SYTL2: variants seen among roughly 807,000 people sequenced by gnomAD.
SYTL2 encodes synaptotagmin like 2.
Under a neutral mutation model 198.7 loss-of-function variants are expected in SYTL2, and 165 were observed. The observed-to-expected ratio is 0.83, with a 90% CI of 0.73 to 0.94. SYTL2 has a LOEUF of 0.94. Among genes scored for constraint, SYTL2 ranks in the 40% least tolerant of loss-of-function variants. The pLI, the probability that SYTL2 is intolerant of heterozygous loss-of-function variation, is 0.00. For synonymous variants in SYTL2, 966 were observed against 917.7 expected (o/e 1.05, Z -0.95); for missense variants, 2,835 against 2,582.8 (o/e 1.10, Z -2.12).
chr11:85,721,696 G>A (rs372059433), intron 8 of SYTL2, among the ~76,000 whole-genome samples: 2 of 152,186 alleles, frequency 1.3e-5, no homozygotes, highest in Admixed American at 6.5e-5. Context: ...TGAGTGATTC[G>A]ATTAAGGAAT....
chr11:85,750,258 C>T lies in SYTL2; in HGVS notation c.102-1835G>A, dbSNP rs117489348. Among the ~76,000 whole-genome samples, 5 of 152,282 alleles carry T rather than the reference C, an allele frequency of 3.3e-5. No homozygotes were observed. In the East Asian group the frequency reaches 5.8e-4, roughly 18 times the overall value. On this transcript the variant is annotated intron_variant, in intron 2 of 19. Coordinates refer to ENST00000359152, the MANE Select transcript of SYTL2 (RefSeq NM_206927.4). ...TAAGGATCAGGGAAAATAAGACCTA[C>T]CCTCCAGGACTTCTGAGATGATTGA... is the stretch of plus-strand genomic sequence containing the variant.
At chr11:85,698,211 T>G (rs2083703045) in intron 17 of SYTL2, 133 bp from the exon 18 acceptor site, 3 of 636,186 alleles carry the variant, frequency 4.7e-6, no homozygotes, top group Non-Finnish European at 8.4e-6. Flanking sequence ...CTGAACTGAT[T>G]AAATCTATAC....
chr11:85,739,273 T>TA (rs10699444), intron 4 of SYTL2, among the ~76,000 whole-genome samples: 2 of 149,644 alleles, frequency 1.3e-5, no homozygotes, highest in Non-Finnish European at 3.0e-5. Flanking sequence ...TTTTTTTTTT[T>TA]AATCCATGTT....
At chr11:85,719,422 C>G (rs1298824511) in intron 9 of SYTL2, 1 of 689,692 alleles carries the variant, frequency 1.4e-6, no homozygotes, top group Non-Finnish European at 1.8e-6. Flanking sequence ...CCTATACATT[C>G]CTGAGTACTT....
the SYTL2 span, among the ~76,000 whole-genome samples, chr11:85,852,250 G>T: frequency 6.6e-6 from 1 of 152,192 alleles, no homozygotes; most frequent in Non-Finnish European, 1.5e-5. Flanking sequence ...GAAGCCTAAA[G>T]GGGCCTCATT....
At chr11:85,786,191 G>C (rs1038081341) in intron 1 of SYTL2, among the ~76,000 whole-genome samples, 7 of 152,216 alleles carry the variant, frequency 4.6e-5, no homozygotes, top group African/African-American at 1.7e-4. Flanking sequence ...TGACACTCTT[G>C]AAATGGCAAA....
intron 1 of SYTL2, among the ~76,000 whole-genome samples, chr11:85,788,434 G>A (rs1389877889): frequency 1.3e-5 from 2 of 152,158 alleles, no homozygotes. Context: ...GATAAGGGAA[G>A]TAAATAGCAT....
chr11:85,695,189 T>G lies in SYTL2; in HGVS notation c.*6A>C. 1.2e-6 allele frequency: 2 copies of G among 1,609,692 alleles called. No homozygotes were observed. Among genetic ancestry groups the G allele is most frequent in the East Asian group, 2.2e-5 (1 of 44,796 alleles). On this transcript the variant is annotated 3_prime_UTR_variant, in exon 20 of 20. Transcript: ENST00000359152. ...TTTTCAGTGGAGGAGCCAGTGGAAT[T>G]TGGGCTCATTTGGAAATCTTGGCAA... is the stretch of plus-strand genomic sequence containing the variant.
At chr11:85,836,460 A>G in the SYTL2 span, among the ~76,000 whole-genome samples, 52,277 of 151,672 alleles carry the variant, frequency 0.34, 9,988 homozygotes, top group African/African-American at 0.49. Flanking sequence ...GTATATACGT[A>G]TGGCACTATG....
intron 1 of SYTL2, among the ~76,000 whole-genome samples, chr11:85,778,118 C>T (rs529653658): frequency 5.9e-5 from 9 of 152,218 alleles, no homozygotes; most frequent in East Asian, 3.9e-4. Flanking sequence ...CATGCCCGGC[C>T]GGTCTTCTTA....
Position 85,770,657 on chromosome 11 carries a change from T to C in SYTL2, c.-389-12543A>G, listed in dbSNP as rs151248823. Among the ~76,000 whole-genome samples, 313 of 152,270 alleles carry C rather than the reference T, an allele frequency of 2.1e-3. 2 individuals are homozygous for C. Among genetic ancestry groups the C allele is most frequent in the African/African-American group, 7.1e-3 (297 of 41,570 alleles). On this transcript the variant is annotated intron_variant, in intron 1 of 19. Coordinates refer to ENST00000359152, the MANE Select transcript of SYTL2 (RefSeq NM_206927.4). ...CCTGTACACTATCATCGCCAGACCA[T>C]TGTTTATGCCATTCTCTCTACCTGG...
intron 5 of SYTL2, 30 bp downstream of exon 5, chr11:85,737,545 C>T: frequency 6.4e-7 from 1 of 1,569,402 alleles, no homozygotes; most frequent in Non-Finnish European, 8.7e-7. Flanking sequence ...CTAACAAATA[C>T]AAGATTTTCA....
intron 1 of SYTL2, among the ~76,000 whole-genome samples, chr11:85,776,199 C>T (rs1037481010): frequency 6.6e-6 from 1 of 152,198 alleles, no homozygotes; most frequent in African/African-American, 2.4e-5. Context: ...GCTGAAGGTC[C>T]TCACCAGATA....
chr11:85,710,807 T>C (rs191681786), intron 13 of SYTL2, among the ~76,000 whole-genome samples: 186 of 152,324 alleles, frequency 1.2e-3, no homozygotes, highest in African/African-American at 4.3e-3. Flanking sequence ...GATTTTATCA[T>C]AGTTACCCCA....
chr11:85,712,877 C>T (rs922302716), intron 12 of SYTL2, among the ~76,000 whole-genome samples: 3 of 151,994 alleles, frequency 2.0e-5, no homozygotes, highest in Admixed American at 6.6e-5. Context: ...CCACCATGCC[C>T]GGCTAATTTT....
intron 1 of SYTL2, among the ~76,000 whole-genome samples, chr11:85,793,764 C>G (rs1428868788): frequency 6.6e-6 from 1 of 152,148 alleles, no homozygotes; most frequent in East Asian, 1.9e-4. Context: ...TAGTTCTGCA[C>G]AAATGAAAAA....
At chr11:85,844,100 T>C in the SYTL2 span, among the ~76,000 whole-genome samples, 4 of 152,264 alleles carry the variant, frequency 2.6e-5, no homozygotes, top group East Asian at 1.9e-4. Context: ...CAACTGTTGA[T>C]GGCTTCACTT....
intron 12 of SYTL2, among the ~76,000 whole-genome samples, chr11:85,712,833 T>C (rs1184637295): frequency 3.3e-5 from 5 of 151,900 alleles, no homozygotes; most frequent in African/African-American, 1.2e-4. Context: ...TCCCCTGCCT[T>C]ACCCTCTCAA....
chr11:85,771,375 A>G (rs1202441191), intron 1 of SYTL2, among the ~76,000 whole-genome samples: 1 of 152,212 alleles, frequency 6.6e-6, no homozygotes, highest in Non-Finnish European at 1.5e-5. Context: ...AATGTAAACA[A>G]CTATTCATCC....
Sources: gnomAD v4.1 joint callset for allele counts (sites outside exome capture counted in the v4.1 genomes callset) on GRCh38, gnomAD v4.1.1 for gene constraint, MANE v1.5 for transcripts, NCBI Gene and HGNC (gene_info 2026-07-23, HGNC 2026-07-21) for gene names.